SLC6A9: variants seen among roughly 807,000 people sequenced by gnomAD.
SLC6A9 encodes the protein sodium- and chloride-dependent glycine transporter 1.
In SLC6A9, 31 loss-of-function variants were observed where a neutral mutation model predicts 70.9. The ratio of observed to expected loss-of-function variants is 0.44; its 90% confidence interval spans 0.33 to 0.59. The LOEUF (loss-of-function observed/expected upper bound fraction) is 0.59. Among genes scored for constraint, SLC6A9 ranks in the 20% least tolerant of loss-of-function variants. The pLI is 0.04. For synonymous variants in SLC6A9, 310 were observed against 341.3 expected (o/e 0.91, Z 1.01); for missense variants, 631 against 845.2 (o/e 0.75, Z 3.14).
chr1:43,997,508 C>T lies in SLC6A9; in HGVS notation c.*37G>A, dbSNP rs368525682. On this transcript the variant is annotated 3_prime_UTR_variant, in exon 14 of 14. Transcript: ENST00000372310. The surrounding 1 kb of genome is among the most constrained non-coding windows in gnomAD (Gnocchi z 4.4). ...CTCACCAGTCTCTGCGGTGGGAGCA[C>T]GGGGTGGGGGTGGGGCCACTCCCCT... The T allele has an allele frequency of 1.8e-5, 28 of 1,538,396 alleles. No homozygotes were observed. The highest frequency in any genetic ancestry group is 1.2e-4 in the Admixed American group (7 of 57,800).
At chr1:44,026,233 C>T (rs72683987) in intron 1 of SLC6A9, among the ~76,000 whole-genome samples, 11,908 of 152,256 alleles carry the variant, frequency 0.078, 527 homozygotes, top group African/African-American at 0.12. Flanking sequence ...GTAGATCACA[C>T]CTTGTCCTCT....
chr1:44,024,482 A>G (rs1485275967), intron 1 of SLC6A9, 120 bp from the exon 2 acceptor site: 2 of 614,250 alleles, frequency 3.3e-6, no homozygotes, highest in Non-Finnish European at 5.8e-6. Context: ...GGCCATGTCC[A>G]TATCCTGCTC....
At chr1:44,016,748 C>T (rs576839896) in intron 2 of SLC6A9, among the ~76,000 whole-genome samples, 2 of 152,104 alleles carry the variant, frequency 1.3e-5, no homozygotes, top group Non-Finnish European at 2.9e-5. Flanking sequence ...CCCGTCTCCC[C>T]GGGAGCTAGG....
At chr1:44,009,518 C>T (rs1053271999) in intron 4 of SLC6A9, among the ~76,000 whole-genome samples, 9 of 151,748 alleles carry the variant, frequency 5.9e-5, no homozygotes, top group South Asian at 2.1e-4. Flanking sequence ...CCACCGCGCC[C>T]GGCCAAGATG....
chr1:44,016,008 C>T (rs964503088), intron 2 of SLC6A9: 7 of 261,516 alleles, frequency 2.7e-5, no homozygotes, highest in Middle Eastern at 1.9e-3. Flanking sequence ...GGCAAGAATA[C>T]GCCTTGTGCT....
intron 5 of SLC6A9, among the ~76,000 whole-genome samples, chr1:44,004,271 C>T (rs1322813764): frequency 1.3e-5 from 2 of 152,122 alleles, no homozygotes; most frequent in African/African-American, 2.4e-5. Flanking sequence ...GCTGGGATTA[C>T]AGGCGTGAGC....
At chr1:44,010,458 G>GC (rs1263515986) in intron 3 of SLC6A9, 1 of 102,322 alleles carries the variant, frequency 9.8e-6, no homozygotes, top group East Asian at 2.3e-4. Flanking sequence ...CTTGTGGGCG[G>GC]GGGGGGGGGG....
chr1:44,024,486 C>A (rs1194025186), intron 1 of SLC6A9, 124 bp from the exon 2 acceptor site: 16 of 593,652 alleles, frequency 2.7e-5, no homozygotes, highest in Non-Finnish European at 1.8e-5. Context: ...ATGTCCATAT[C>A]CTGCTCCTTT....
intron 2 of SLC6A9, chr1:44,011,531 A>G: frequency 6.2e-7 from 1 of 1,608,378 alleles, no homozygotes; most frequent in Non-Finnish European, 8.5e-7. Context: ...TACACTGCCC[A>G]TGGCTGGGGA....
intron 12 of SLC6A9, among the ~76,000 whole-genome samples, chr1:44,000,439 A>G (rs544821089): frequency 6.6e-6 from 1 of 152,296 alleles, no homozygotes; most frequent in African/African-American, 2.4e-5. Context: ...GGGATGGGAG[A>G]TAAGGCCAGC....
chr1:44,028,404 C>G (rs74658637), intron 1 of SLC6A9, among the ~76,000 whole-genome samples: 7,982 of 152,242 alleles, frequency 0.052, 316 homozygotes, highest in Non-Finnish European at 0.084. Flanking sequence ...CCCCTAGATA[C>G]AGTGTGGAGA....
At chr1:44,030,791 G>A (rs1211714132) in intron 1 of SLC6A9, among the ~76,000 whole-genome samples, 1 of 152,196 alleles carries the variant, frequency 6.6e-6, no homozygotes, top group African/African-American at 2.4e-5. Flanking sequence ...GGCCAGATAG[G>A]CAGCCAGGCT....
At chr1:44,005,869 G>A (rs1331123781) in intron 5 of SLC6A9, among the ~76,000 whole-genome samples, 2 of 152,244 alleles carry the variant, frequency 1.3e-5, no homozygotes, top group Non-Finnish European at 2.9e-5. Context: ...AAGGTATCCC[G>A]CATGGGACAG....
intron 1 of SLC6A9, chr1:44,030,425 C>A (rs1247553870): frequency 6.6e-6 from 1 of 152,428 alleles, no homozygotes; most frequent in Non-Finnish European, 1.5e-5. Context: ...CTCTCCCGCC[C>A]GGCCCGGCCC....
intron 1 of SLC6A9, among the ~76,000 whole-genome samples, chr1:44,030,256 C>A (rs2154308010): frequency 6.6e-6 from 1 of 152,230 alleles, no homozygotes; most frequent in Non-Finnish European, 1.5e-5. Context: ...GGGGCACGGG[C>A]GTTACATCAG....
At position 44,009,935 on chromosome 1, in the gene SLC6A9, G is replaced by A. The variant is rs199595282; in HGVS notation, c.319+30C>T. 1.9e-6 allele frequency: 3 copies of A among 1,610,994 alleles called. No individual in the cohort carries two copies. In the Admixed American group the frequency reaches 5.0e-5, roughly 27 times the overall value. ...CAGAGGCCGTTGTGTGTTTGTGTAT[G>A]TGTGAGCGAGTGCCCCGCCCAGGCC... is the stretch of plus-strand genomic sequence containing the variant. On this transcript the variant is annotated intron_variant, in intron 4 of 13. Coordinates refer to ENST00000372310, the MANE Select transcript of SLC6A9 (RefSeq NM_001024845.3).
intron 4 of SLC6A9, 59 bp from the exon 5 acceptor site, chr1:44,008,682 T>C: frequency 7.3e-7 from 1 of 1,370,548 alleles, no homozygotes; most frequent in Non-Finnish European, 1.0e-6. Context: ...GAGGTGAGGT[T>C]AATAATTTCT....
chr1:44,023,191 C>T (rs968773133), intron 2 of SLC6A9, among the ~76,000 whole-genome samples: 5 of 152,136 alleles, frequency 3.3e-5, no homozygotes, highest in Non-Finnish European at 7.4e-5. Flanking sequence ...AGTCCCAGGT[C>T]CCCACCCCCG....
At chr1:44,022,892 G>A (rs865989983) in intron 2 of SLC6A9, among the ~76,000 whole-genome samples, 2 of 151,802 alleles carry the variant, frequency 1.3e-5, no homozygotes, top group African/African-American at 4.8e-5. Flanking sequence ...TTTTAGTAGA[G>A]ACAAGGTTTC....
Sources: gnomAD v4.1 joint callset for allele counts (sites outside exome capture counted in the v4.1 genomes callset) on GRCh38, gnomAD v4.1.1 for gene constraint, Gnocchi (gnomAD v3.1) non-coding constraint, MANE v1.5 for transcripts, NCBI Gene and HGNC (gene_info 2026-07-23, HGNC 2026-07-21) for gene names.